Variants in TDRD3 observed in about 807,000 individuals in gnomAD.
TDRD3 encodes the protein tudor domain containing 3, also known as tudor domain-containing protein 3.
TDRD3 carries 45 observed loss-of-function variants against 86.7 expected under a neutral mutation model. The ratio of observed to expected loss-of-function variants is 0.52; its 90% CI spans 0.41 to 0.67. The LOEUF (loss-of-function observed/expected upper bound fraction) is 0.67. TDRD3 is among the 30% of genes least tolerant of loss of function. TDRD3 has a pLI of 0.00. For missense variants in TDRD3, 814 were observed against 889.0 expected, an observed-to-expected ratio of 0.92 and a Z score of 1.07; for synonymous variants, 298 against 301.7, an observed-to-expected ratio of 0.99 and a Z score of 0.13.
At position 60,565,237 on chromosome 13, in the gene TDRD3, A is replaced by G. The variant is rs546038206; in HGVS notation, c.2119-2288A>G. The stretch of plus-strand genomic sequence containing the variant: ...CGCCCGGCTAATTTTTTGTATTTTT[A>G]GTAGAGACGAGGTTTCACCTTGTTA... On this transcript the variant is annotated intron_variant, in intron 12 of 13. Transcript: ENST00000377881. Among the ~76,000 whole-genome samples the G allele has an allele frequency of 2.0e-5, 3 of 149,932 alleles. No homozygotes were observed. The South Asian group carries it at 6.4e-4, about 32-fold the overall frequency.
intron 1 of TDRD3, among the ~76,000 whole-genome samples, chr13:60,397,646 CCGGGCGG>C (rs1206411418): frequency 1.4e-5 from 2 of 145,870 alleles, no homozygotes; most frequent in Non-Finnish European, 3.0e-5. Flanking sequence ...GGCCTGGGCC[CCGGGCGG>C]CGGGCGGCGG....
At chr13:60,421,448 TGGGAGCTACAATTCGA>T in intron 1 of TDRD3, among the ~76,000 whole-genome samples, 1 of 152,192 alleles carries the variant, frequency 6.6e-6, no homozygotes, top group East Asian at 1.9e-4. Flanking sequence ...ATGGGGATTA[TGGGAGCTACAATTCGA>T]GATGAGATTT....
intron 5 of TDRD3, among the ~76,000 whole-genome samples, chr13:60,470,036 C>T (rs980242014): frequency 1.6e-4 from 24 of 152,206 alleles, no homozygotes; most frequent in African/African-American, 5.8e-4. Flanking sequence ...TAAACAGTAA[C>T]TCTGCATTCC....
At chr13:60,552,675 C>G (rs1041473452) in intron 12 of TDRD3, among the ~76,000 whole-genome samples, 1 of 152,240 alleles carries the variant, frequency 6.6e-6, no homozygotes, top group Non-Finnish European at 1.5e-5. Context: ...CATGAGGGCT[C>G]TGTCCCTGCA....
At chr13:60,511,395 A>T (rs1180713030) in intron 10 of TDRD3, among the ~76,000 whole-genome samples, 5 of 152,206 alleles carry the variant, frequency 3.3e-5, no homozygotes, top group Non-Finnish European at 7.3e-5. Flanking sequence ...TATAACAAAT[A>T]TGAAATGTTC....
rs112950492 is a variant in TDRD3 at position 60,419,188 on chromosome 13, G to C, written c.42-20500G>C. Among the ~76,000 whole-genome samples, 514 of 152,174 alleles carry C rather than the reference G, an allele frequency of 3.4e-3. 4 individuals are homozygous for C. Among genetic ancestry groups the C allele is most frequent in the African/African-American group, 0.012 (490 of 41,518 alleles). ...CCAACCAACAGTGTATGAGAGATCT[G>C]GTTTCTCCACTTCCTCACCAATATT... On this transcript the variant is annotated intron_variant, in intron 1 of 13. Transcript: ENST00000377881.
rs746393972 is a variant in TDRD3, at chr13:60,509,818, C to T, written c.914C>T (p.Ser305Leu). ...ITEMGFSKEA[S>L]RQALMDNGNN... ...GAAATGGGCTTCAGTAAGGAAGCAT[C>T]GAGGCAAGCTCTTATGGATAATGGC... Residue 305 changes from serine to leucine, a missense_variant, in exon 9 of 14, where the codon TCG becomes TTG. Ser to Leu is a moderately radical substitution (Grantham distance 145, BLOSUM62 -2). Transcript: ENST00000377881. The T allele has an allele frequency of 7.4e-6, 12 of 1,613,710 alleles. No homozygotes were observed. Among genetic ancestry groups the T allele is most frequent in the African/African-American group, 2.7e-5 (2 of 74,894 alleles).
intron 4 of TDRD3, among the ~76,000 whole-genome samples, chr13:60,463,385 TAAGAC>T (rs748597703): frequency 1.5e-5 from 2 of 129,724 alleles, no homozygotes; most frequent in African/African-American, 5.3e-5. Context: ...AAAAAAAAGA[TAAGAC>T]CTAAAACTAT....
intron 7 of TDRD3, among the ~76,000 whole-genome samples, chr13:60,493,526 A>G (rs1052508873): frequency 2.0e-5 from 3 of 151,974 alleles, no homozygotes; most frequent in Non-Finnish European, 2.9e-5. Context: ...GCCGGGTGGT[A>G]GTGGCACATA....
At position 60,397,334 on chromosome 13, in the gene TDRD3, C is replaced by A; in HGVS notation, c.-31C>A. 2.1e-6 allele frequency: 3 copies of A among 1,419,136 alleles called. No individual in the cohort carries two copies. Among genetic ancestry groups the A allele is most frequent in the Non-Finnish European group, 9.3e-7 (1 of 1,077,036 alleles). The allele number at this position is 1,419,136 out of a possible 1,614,324, so 87.9% of individuals were successfully genotyped here. A position where few individuals can be genotyped will look rare whatever the true frequency, so the allele number is the denominator to read the frequency against. ...GGCCTCCCCATCACCCCCACCCCAG[C>A]CCCCCACCACCCCCGGCCTAAGCAG... is the stretch of plus-strand genomic sequence containing the variant. On this transcript the variant is annotated 5_prime_UTR_variant, in exon 1 of 14. Coordinates refer to ENST00000377881, the MANE Select transcript of TDRD3 (RefSeq NM_001146070.2).
At chr13:60,570,175 G>T (rs1032794082) in intron 13 of TDRD3, among the ~76,000 whole-genome samples, 1 of 152,108 alleles carries the variant, frequency 6.6e-6, no homozygotes, top group African/African-American at 2.4e-5. Context: ...TCTGACAAGC[G>T]CTTAATAACC....
chr13:60,476,458 T>C (rs1956189104), intron 5 of TDRD3, among the ~76,000 whole-genome samples: 1 of 152,198 alleles, frequency 6.6e-6, no homozygotes, highest in Non-Finnish European at 1.5e-5. Flanking sequence ...CCATTCTGTT[T>C]TGGTTATTGT....
At chr13:60,476,204 G>A (rs1956184015) in intron 5 of TDRD3, among the ~76,000 whole-genome samples, 1 of 152,094 alleles carries the variant, frequency 6.6e-6, no homozygotes, top group South Asian at 2.1e-4. Flanking sequence ...TTCTTCTTGA[G>A]TTAATGTTTG....
intron 10 of TDRD3, among the ~76,000 whole-genome samples, chr13:60,513,034 AC>A (rs2137676363): frequency 6.6e-6 from 1 of 152,266 alleles, no homozygotes; most frequent in Admixed American, 6.5e-5. Context: ...CCTGCAGCAA[AC>A]TTCTGCCTTG....
chr13:60,397,318 ATC>A lies in TDRD3; in HGVS notation c.-46_-45del. The stretch of plus-strand genomic sequence containing the variant: ...GGGGTCTCAAGTAGGAGGCCTCCCC[ATC>A]ACCCCCACCCCAGCCCCCCACCACC... On this transcript the variant is annotated 5_prime_UTR_variant, in exon 1 of 14. The change abolishes the stop of an existing upstream ORF in the 5' untranslated region. Transcript: ENST00000377881. The A allele has an allele frequency of 6.7e-5, 64 of 959,526 alleles. No individual in the cohort carries two copies. The highest frequency in any genetic ancestry group is 8.2e-5 in the Non-Finnish European group (57 of 692,384). The allele number at this position is 959,526 out of a possible 1,614,324, so 59.4% of individuals were successfully genotyped here.
intron 1 of TDRD3, among the ~76,000 whole-genome samples, chr13:60,414,167 C>G (rs1307431525): frequency 1.3e-5 from 2 of 151,586 alleles, no homozygotes; most frequent in African/African-American, 4.9e-5. Context: ...AGACAATGTA[C>G]GTTTTTTTTT....
intron 7 of TDRD3, among the ~76,000 whole-genome samples, chr13:60,492,614 T>C (rs1248766468): frequency 1.3e-5 from 2 of 152,224 alleles, no homozygotes; most frequent in East Asian, 3.8e-4. Context: ...CTAATAAATT[T>C]TGTATCACAT....
In TDRD3 at chr13:60,400,468, C is replaced by T. The variant is rs563110537; in HGVS notation, c.41+3063C>T. ...TTTGAAAATGTATCTTCTGGCTGGG[C>T]GCAGTGGTGGCTCATGCCTGTAATC... On this transcript the variant is annotated intron_variant, in intron 1 of 13. Transcript: ENST00000377881. Among the ~76,000 whole-genome samples, 12 of 152,128 alleles carry T rather than the reference C, an allele frequency of 7.9e-5. No individual in the cohort carries two copies. The South Asian group carries it at 1.5e-3, about 18-fold the overall frequency.
intron 10 of TDRD3, among the ~76,000 whole-genome samples, chr13:60,527,474 G>A (rs1957468356): frequency 6.6e-6 from 1 of 152,190 alleles, no homozygotes; most frequent in Non-Finnish European, 1.5e-5. Context: ...TGTTGATTAT[G>A]ATGTATGACA....
Sources: allele counts gnomAD v4.1 joint callset (sites outside exome capture counted in the v4.1 genomes callset), GRCh38; gene constraint gnomAD v4.1.1; transcripts MANE v1.5; gene names NCBI Gene and HGNC (gene_info 2026-07-23, HGNC 2026-07-21).